The following ARID1B variants were observed in gnomAD, a reference collection of about 807,000 sequenced individuals.
ARID1B encodes the protein AT-rich interactive domain-containing protein 1B.
In ARID1B, 30 loss-of-function variants were observed where a neutral mutation model predicts 212.3. The ratio of observed to expected loss-of-function variants is 0.14; its 90% CI spans 0.11 to 0.19. The LOEUF is 0.19. ARID1B is among the 10% of genes least tolerant of loss of function. The probability of loss-of-function intolerance (pLI) is 1.00; values close to 1 mark genes in which losing one functional copy is unlikely to be tolerated. For missense variants in ARID1B, 2,891 were observed against 3,204.0 expected, an observed-to-expected ratio of 0.90 and a Z score of 2.36; for synonymous variants, 1,402 against 1,301.7, an observed-to-expected ratio of 1.08 and a Z score of -1.66.
At chr6:157,198,743 G>T in intron 16 of ARID1B, 68 bp from the exon 17 acceptor site, 1 of 1,343,992 alleles carries the variant, frequency 7.4e-7, no homozygotes, top group Non-Finnish European at 1.0e-6. Flanking sequence ...TCCAGAAATG[G>T]ATTGTTTATT....
intron 4 of ARID1B, among the ~76,000 whole-genome samples, chr6:156,977,568 A>G (rs1429766059): frequency 1.3e-5 from 2 of 152,102 alleles, no homozygotes; most frequent in African/African-American, 4.8e-5. Flanking sequence ...ATATTTTTTG[A>G]ACATGTGGAA....
At position 157,196,333 on chromosome 6, in the gene ARID1B, T is replaced by TGACA. The variant is rs750107217; in HGVS notation, c.4382+19_4382+22dup. 3 of 1,582,524 alleles carry TGACA rather than the reference T, an allele frequency of 1.9e-6. No homozygotes were observed. In the African/African-American group the frequency reaches 4.1e-5, roughly 22 times the overall value. On this transcript the variant is annotated intron_variant, in intron 16 of 19. Coordinates refer to ENST00000636930, the MANE Select transcript of ARID1B (RefSeq NM_001374828.1). ...GACCGAAGGTGAGTATTTTTTAAGA[T>TGACA]GACAATATGATGATTTACTAGAAAC...
intron 2 of ARID1B, among the ~76,000 whole-genome samples, chr6:156,890,945 T>G (rs950878708): frequency 3.9e-5 from 6 of 152,188 alleles, no homozygotes; most frequent in African/African-American, 1.4e-4. Context: ...TTTATTTTTC[T>G]TCTTAAAATA....
chr6:156,811,801 G>C (rs1412292616), intron 1 of ARID1B, among the ~76,000 whole-genome samples: 1 of 152,160 alleles, frequency 6.6e-6, no homozygotes, highest in East Asian at 1.9e-4. Flanking sequence ...GAATTTTGGT[G>C]GGGGACACAA....
chr6:157,121,558 A>C (rs1195011254), intron 6 of ARID1B, among the ~76,000 whole-genome samples: 1 of 151,328 alleles, frequency 6.6e-6, no homozygotes, highest in African/African-American at 2.4e-5. Flanking sequence ...TCATCTGCTA[A>C]GGTTTAGAAA....
chr6:156,863,655 C>A (rs1428854494), intron 2 of ARID1B, among the ~76,000 whole-genome samples: 1 of 152,070 alleles, frequency 6.6e-6, no homozygotes, highest in Non-Finnish European at 1.5e-5. Context: ...GATGGGGAAC[C>A]TGAAGAAATT....
chr6:157,046,432 A>C (rs897336953), intron 4 of ARID1B, among the ~76,000 whole-genome samples: 7 of 152,220 alleles, frequency 4.6e-5, no homozygotes, highest in African/African-American at 1.7e-4. Flanking sequence ...AATTAAGACT[A>C]CTTGACTGGG....
At chr6:156,930,179 C>T (rs2128255802) in intron 3 of ARID1B, among the ~76,000 whole-genome samples, 1 of 152,244 alleles carries the variant, frequency 6.6e-6, no homozygotes. Flanking sequence ...GGAGGTGGGG[C>T]CAGGTGGGAG....
chr6:156,924,422 A>G (rs570868103), intron 3 of ARID1B, among the ~76,000 whole-genome samples: 14 of 152,334 alleles, frequency 9.2e-5, no homozygotes, highest in African/African-American at 3.1e-4. Context: ...TGCCAGCATC[A>G]CTATTCTGGT....
chr6:156,961,467 C>T (rs140717981), intron 4 of ARID1B, among the ~76,000 whole-genome samples: 18 of 151,498 alleles, frequency 1.2e-4, no homozygotes, highest in Middle Eastern at 6.8e-3. Flanking sequence ...CCGCCAGCAG[C>T]GGCTTGCTGG....
intron 2 of ARID1B, among the ~76,000 whole-genome samples, chr6:156,875,131 G>A (rs1786442305): frequency 6.6e-6 from 1 of 152,186 alleles, no homozygotes; most frequent in Admixed American, 6.5e-5. Context: ...ATATATATTT[G>A]AGGCTGATGG....
rs748973290 is a variant in ARID1B, at chr6:157,084,899, A to G, written c.2485A>G (p.Ile829Val). 6.2e-7 allele frequency: 1 copy of G among 1,604,952 alleles called. No homozygotes were observed. Among genetic ancestry groups the G allele is most frequent in the South Asian group, 1.1e-5 (1 of 89,664 alleles). Reference sequence around the variant, plus strand: ...ATCTGGCCCAATCTCTCCTGCAAGTATCCCAGGTATTTACTTTCCTGACAA... The same window carrying G: ...ATCTGGCCCAATCTCTCCTGCAAGTGTCCCAGGTATTTACTTTCCTGACAA... The part of the protein sequence containing the change: ...SRSGPISPAS[I>V]PGSQMPPQPP... Residue 829 changes from isoleucine (I) to valine (V), a missense_variant, in exon 5 of 20, where the codon ATC (isoleucine) becomes GTC (valine). By Grantham distance (29) the Ile-to-Val change is conservative. This residue lies in a region of ARID1B where 1,643 missense variants were observed against 1,544.0 expected (regional missense o/e 1.06). Coordinates refer to ENST00000636930, the MANE Select transcript of ARID1B (RefSeq NM_001374828.1).
At chr6:156,976,035 C>A (rs1777219429) in intron 4 of ARID1B, among the ~76,000 whole-genome samples, 1 of 151,486 alleles carries the variant, frequency 6.6e-6, no homozygotes, top group Non-Finnish European at 1.5e-5. Context: ...AGTACATTCA[C>A]AAGGACGGGG....
chr6:156,779,241 C>T lies in ARID1B; in HGVS notation c.1561C>T (p.Pro521Ser). 3 of 1,230,762 alleles carry T rather than the reference C, an allele frequency of 2.4e-6. No individual in the cohort carries two copies. Among genetic ancestry groups the T allele is most frequent in the Non-Finnish European group, 2.0e-6 (2 of 977,888 alleles). The allele number at this position is 1,230,762 out of a possible 1,614,324, so 76.2% of individuals were successfully genotyped here. The change falls in exon 1 of 20, where the codon CCC becomes TCC. Residue 521 changes from proline to serine, a missense_variant. This residue lies in a region of ARID1B where 1,643 missense variants were observed against 1,544.0 expected (regional missense o/e 1.06). Transcript: ENST00000636930. Reference protein sequence around the residue: ...PMMRSYGGSYPEYSSPSAPPP... With the variant: ...PMMRSYGGSYSEYSSPSAPPP... The stretch of plus-strand genomic sequence containing the variant: ...GATGCGGAGCTACGGCGGCAGCTAC[C>T]CCGAGTACAGCAGCCCCAGCGCGCC...
intron 4 of ARID1B, among the ~76,000 whole-genome samples, chr6:157,076,441 T>G: frequency 6.6e-6 from 1 of 151,902 alleles, no homozygotes; most frequent in Non-Finnish European, 1.5e-5. Context: ...TCCTGCCTAA[T>G]TTTTTTAAAG....
chr6:156,865,923 C>T (rs1785653929), intron 2 of ARID1B, among the ~76,000 whole-genome samples: 1 of 151,946 alleles, frequency 6.6e-6, no homozygotes, highest in Non-Finnish European at 1.5e-5. Context: ...ACTGATTGTA[C>T]TCTGTTTTGC....
Position 157,004,890 on chromosome 6 carries a change from C to CTTTTTTGTTTTTT in ARID1B, c.2247+69320_2247+69321insGTTTTTTTTTTTT, listed in dbSNP as rs1779118895. ...GCATTTCTTTTTTCTTTTTCTTCTT[C>CTTTTTTGTTTTTT]TTTTTTCTTTTTTTTTTTTTTTTTT... On this transcript the variant is annotated intron_variant, in intron 4 of 19. Transcript: ENST00000636930. Among the ~76,000 whole-genome samples the CTTTTTTGTTTTTT allele has an allele frequency of 4.8e-4, 17 of 35,686 alleles. 4 individuals are homozygous for CTTTTTTGTTTTTT. The highest frequency in any genetic ancestry group is 5.8e-4 in the African/African-American group (9 of 15,394). The allele number at this position is 35,686 out of a possible 152,430, so 23.4% of individuals were successfully genotyped here.
At chr6:157,170,742 C>G (rs1791662371) in intron 9 of ARID1B, among the ~76,000 whole-genome samples, 1 of 152,122 alleles carries the variant, frequency 6.6e-6, no homozygotes, top group East Asian at 1.9e-4. Context: ...CTCCAGGGTA[C>G]TCGCTGGCCC....
At chr6:156,877,825 C>G (rs1786684041) in intron 2 of ARID1B, among the ~76,000 whole-genome samples, 1 of 151,918 alleles carries the variant, frequency 6.6e-6, no homozygotes, top group Non-Finnish European at 1.5e-5. Context: ...TTCTCGTGCC[C>G]CAGCCTCCTG....
Sources: gnomAD v4.1 joint callset for allele counts (sites outside exome capture counted in the v4.1 genomes callset) on GRCh38, gnomAD v4.1.1 for gene constraint, gnomAD v4.1.1 regional missense constraint, MANE v1.5 for transcripts, NCBI Gene and HGNC (gene_info 2026-07-23, HGNC 2026-07-21) for gene names.